The following CENPW variants were observed in gnomAD, a reference collection of about 807,000 sequenced individuals.
CENPW encodes cancer-up-regulated gene 2 protein.
In CENPW, 3 loss-of-function variants were observed where a neutral mutation model predicts 11.1. That is an observed-to-expected ratio of 0.27 (90% confidence interval 0.12 to 0.70). The LOEUF (loss-of-function observed/expected upper bound fraction) is 0.70. CENPW is among the 30% of genes least tolerant of loss of function. The probability of loss-of-function intolerance (pLI) is 0.77; values close to 1 mark genes in which losing one functional copy is unlikely to be tolerated. For missense variants in CENPW, 100 were observed against 105.6 expected, an observed-to-expected ratio of 0.95 and a Z score of 0.23; for synonymous variants, 38 against 42.0, an observed-to-expected ratio of 0.91 and a Z score of 0.37.
the CENPW span, among the ~76,000 whole-genome samples, chr6:126,379,160 A>G: frequency 6.6e-6 from 1 of 152,148 alleles, no homozygotes; most frequent in Non-Finnish European, 1.5e-5. Flanking sequence ...TAGGTAGAAC[A>G]CCCACCTTGG....
the CENPW span, among the ~76,000 whole-genome samples, chr6:126,447,059 T>C: frequency 1.3e-5 from 2 of 151,044 alleles, no homozygotes; most frequent in Admixed American, 6.6e-5. Context: ...CCTGCTGTTA[T>C]AGGGGGATGG....
At chr6:126,379,647 G>A in the CENPW span, among the ~76,000 whole-genome samples, 7 of 152,212 alleles carry the variant, frequency 4.6e-5, no homozygotes, top group African/African-American at 1.7e-4. Flanking sequence ...TTCTTGATAA[G>A]TCAAAGTTGT....
At chr6:126,424,249 T>C in the CENPW span, among the ~76,000 whole-genome samples, 3 of 152,130 alleles carry the variant, frequency 2.0e-5, no homozygotes, top group Non-Finnish European at 4.4e-5. Flanking sequence ...ACAGAGAAAC[T>C]GAATTCCATT....
At chr6:126,412,975 C>T in the CENPW span, among the ~76,000 whole-genome samples, 6 of 151,948 alleles carry the variant, frequency 3.9e-5, no homozygotes, top group Admixed American at 1.3e-4. Flanking sequence ...TAGATTTTCT[C>T]GAATAAATAT....
chr6:126,377,191 T>C, the CENPW span, among the ~76,000 whole-genome samples: 1 of 152,142 alleles, frequency 6.6e-6, no homozygotes, highest in Non-Finnish European at 1.5e-5. Context: ...TATACTTCTA[T>C]TTTTTAACTG....
the CENPW span, among the ~76,000 whole-genome samples, chr6:126,369,944 T>C: frequency 1.3e-5 from 2 of 152,222 alleles, no homozygotes; most frequent in Non-Finnish European, 2.9e-5. Context: ...CTTGAGTTGA[T>C]TTTTGTATAA....
the CENPW span, among the ~76,000 whole-genome samples, chr6:126,394,487 T>C: frequency 6.6e-6 from 1 of 152,148 alleles, no homozygotes; most frequent in Admixed American, 6.6e-5. Flanking sequence ...CTTATTTTAC[T>C]ATCATGTCTT....
chr6:126,384,828 G>C, the CENPW span, among the ~76,000 whole-genome samples: 1 of 151,966 alleles, frequency 6.6e-6, no homozygotes, highest in Admixed American at 6.6e-5. Context: ...AGAGTAAACA[G>C]ACAACCTACA....
the CENPW span, among the ~76,000 whole-genome samples, chr6:126,476,378 G>A: frequency 1.3e-5 from 2 of 151,862 alleles, no homozygotes; most frequent in Admixed American, 1.3e-4. Flanking sequence ...AAGTATTAGT[G>A]ATCAATTTTC....
the CENPW span, among the ~76,000 whole-genome samples, chr6:126,368,867 AATCTCCTG>A: frequency 6.6e-6 from 1 of 151,824 alleles, no homozygotes; most frequent in Non-Finnish European, 1.5e-5. Context: ...GGATGGTCTC[AATCTCCTG>A]ATCTCGTGAT....
chr6:126,424,565 G>C, the CENPW span, among the ~76,000 whole-genome samples: 1 of 152,106 alleles, frequency 6.6e-6, no homozygotes, highest in African/African-American at 2.4e-5. Flanking sequence ...TCTCCCCTTT[G>C]TGGCAGTTCT....
At chr6:126,355,560 G>A in the CENPW span, among the ~76,000 whole-genome samples, 7 of 150,516 alleles carry the variant, frequency 4.7e-5, no homozygotes, top group African/African-American at 1.7e-4. Context: ...TTGTAGACAT[G>A]TATCTTGTTC....
At chr6:126,413,948 A>G in the CENPW span, among the ~76,000 whole-genome samples, 2 of 152,030 alleles carry the variant, frequency 1.3e-5, no homozygotes, top group Non-Finnish European at 2.9e-5. Flanking sequence ...AAAGATGTGT[A>G]TAGATTGAAA....
the CENPW span, among the ~76,000 whole-genome samples, chr6:126,427,402 T>C: frequency 6.6e-6 from 1 of 152,200 alleles, no homozygotes; most frequent in Non-Finnish European, 1.5e-5. Flanking sequence ...AAACAATTGA[T>C]AGGATTTGAG....
the CENPW span, among the ~76,000 whole-genome samples, chr6:126,361,754 A>G: frequency 1.3e-5 from 2 of 152,012 alleles, no homozygotes; most frequent in Non-Finnish European, 2.9e-5. Context: ...TTCATCAGGT[A>G]GAGGCCAGGA....
the CENPW span, among the ~76,000 whole-genome samples, chr6:126,420,516 T>C: frequency 6.6e-6 from 1 of 152,172 alleles, no homozygotes; most frequent in East Asian, 1.9e-4. Context: ...CAGGTAAGCT[T>C]AATTTGTCTT....
At chr6:126,360,605 A>G in the CENPW span, among the ~76,000 whole-genome samples, 1 of 151,800 alleles carries the variant, frequency 6.6e-6, no homozygotes, top group African/African-American at 2.4e-5. Flanking sequence ...TATTTCTCAG[A>G]GATTTTGTTA....
the CENPW span, among the ~76,000 whole-genome samples, chr6:126,381,132 A>T: frequency 2.6e-5 from 4 of 152,168 alleles, no homozygotes; most frequent in African/African-American, 4.8e-5. Context: ...TCCACGGCCA[A>T]ATCCTGTTGC....
chr6:126,374,116 T>G, the CENPW span, among the ~76,000 whole-genome samples: 1 of 152,142 alleles, frequency 6.6e-6, no homozygotes, highest in African/African-American at 2.4e-5. Flanking sequence ...GATCCTCTGT[T>G]GGGAAGAACA....
Sources: allele counts gnomAD v4.1 joint callset (sites outside exome capture counted in the v4.1 genomes callset), GRCh38; gene constraint gnomAD v4.1.1; transcripts MANE v1.5; gene names NCBI Gene and HGNC (gene_info 2026-07-23, HGNC 2026-07-21).